Variants in TRNT1 observed in about 807,000 individuals in gnomAD.
The protein encoded by TRNT1 is CCA tRNA nucleotidyltransferase 1, mitochondrial.
In TRNT1, 44 loss-of-function variants were observed where a neutral mutation model predicts 45.6. The ratio of observed to expected loss-of-function variants is 0.97; its 90% CI spans 0.76 to 1.24. The LOEUF is 1.24. Among genes scored for constraint, TRNT1 ranks in the 50% most tolerant of loss-of-function variants. The probability of loss-of-function intolerance (pLI) is 0.00; values close to 1 mark genes in which losing one functional copy is unlikely to be tolerated. For synonymous variants in TRNT1, 201 were observed against 171.4 expected, an observed-to-expected ratio of 1.17 and a Z score of -1.35; for missense variants, 633 against 504.4, an observed-to-expected ratio of 1.25 and a Z score of -2.44.
At chr3:3,152,670 C>A, downstream of TRNT1, 1 of 1,516,744 alleles carries the variant, frequency 6.6e-7, no homozygotes, top group Non-Finnish European at 9.1e-7. Flanking sequence ...TTGAAGTTCA[C>A]CAAGAAATGA....
chr3:3,143,688 G>A (rs1295955914), intron 4 of TRNT1, among the ~76,000 whole-genome samples: 1 of 115,216 alleles, frequency 8.7e-6, no homozygotes, highest in African/African-American at 2.7e-5. Flanking sequence ...GACCAGCCTG[G>A]CCCACTTGCC....
At chr3:3,152,147 T>C (rs1706602248), downstream of TRNT1, among the ~76,000 whole-genome samples, 1 of 85,456 alleles carries the variant, frequency 1.2e-5, no homozygotes, top group South Asian at 3.5e-4. Flanking sequence ...GACATTTAAA[T>C]AAATTTTTTT....
chr3:3,127,795 A>T (rs1354358705), intron 1 of TRNT1: 1 of 152,242 alleles, frequency 6.6e-6, no homozygotes, highest in East Asian at 1.9e-4. Context: ...TGCTCTGGGG[A>T]GAGTGTCATC....
At position 3,147,709 on chromosome 3, in the gene TRNT1, T is replaced by G; in HGVS notation, c.1056+6T>G. 1 of 1,604,132 alleles carries G rather than the reference T, an allele frequency of 6.2e-7. No homozygotes were observed. The highest frequency in any genetic ancestry group is 8.5e-7 in the Non-Finnish European group (1 of 1,175,482). On this transcript the variant is annotated splice_donor_region_variant and intron_variant, in intron 7 of 7. Coordinates refer to ENST00000251607, the MANE Select transcript of TRNT1 (RefSeq NM_182916.3). ...ATCAAGACTTCATTATAGATGTAAG[T>G]ATATACTAGGCTTGGTCAGAAATAT... is the stretch of plus-strand genomic sequence containing the variant.
Position 3,144,583 on chromosome 3 carries a change from G to C in TRNT1, c.482-1G>C. On this transcript the variant is annotated splice_acceptor_variant, in intron 4 of 7. Coordinates refer to ENST00000251607, the MANE Select transcript of TRNT1 (RefSeq NM_182916.3). LOFTEE classifies it high-confidence loss of function. ...TTTCTCCCTCCTTTTCTAATGAATA[G>C]GTTTTGATGGCACTTTATTTGACTA... The C allele has an allele frequency of 6.3e-7, 1 of 1,575,122 alleles. No homozygotes were observed.
At chr3:3,134,453 C>T (rs973668195) in intron 2 of TRNT1, among the ~76,000 whole-genome samples, 4 of 152,090 alleles carry the variant, frequency 2.6e-5, no homozygotes, top group Non-Finnish European at 4.4e-5. Context: ...GAATATATTA[C>T]TTTGAGTTCT....
intron 2 of TRNT1, among the ~76,000 whole-genome samples, chr3:3,131,087 A>G (rs991991829): frequency 6.6e-6 from 1 of 152,106 alleles, no homozygotes; most frequent in African/African-American, 2.4e-5. Context: ...TAAAAAAAAA[A>G]AAAAATTAAT....
intron 2 of TRNT1, chr3:3,129,869 A>T (rs1268966951): frequency 6.4e-7 from 1 of 1,550,542 alleles, no homozygotes; most frequent in Non-Finnish European, 8.7e-7. Context: ...ACTTACGCAG[A>T]TTGATTTCAG....
intron 2 of TRNT1, chr3:3,129,904 C>A (rs900504602): frequency 6.4e-7 from 1 of 1,550,642 alleles, no homozygotes; most frequent in Non-Finnish European, 8.7e-7. Context: ...CCGCTAAGCT[C>A]TGTTTCCTTC....
At chr3:3,137,058 C>T (rs757709202) in intron 2 of TRNT1, among the ~76,000 whole-genome samples, 1 of 152,122 alleles carries the variant, frequency 6.6e-6, no homozygotes, top group African/African-American at 2.4e-5. Flanking sequence ...TTCTCTGTTT[C>T]CTGTTGGTCC....
chr3:3,135,310 G>T (rs959030340), intron 2 of TRNT1, among the ~76,000 whole-genome samples: 1 of 152,260 alleles, frequency 6.6e-6, no homozygotes, highest in Middle Eastern at 3.4e-3. Flanking sequence ...AGTTTAGCAA[G>T]AGATGAGACA....
Position 3,147,065 on chromosome 3 carries a change from G to C in TRNT1, c.803-385G>C, listed in dbSNP as rs10428252. Among the ~76,000 whole-genome samples the C allele has an allele frequency of 3.0e-3, 463 of 152,258 alleles. 1 individual carries two copies. The highest frequency in any genetic ancestry group is 0.01 in the African/African-American group (431 of 41,568). ...TCACAGAGAATAGTGGGATTATATG[G>C]TTTATCACACTTCGGTAAGCTTGGG... On this transcript the variant is annotated intron_variant, in intron 6 of 7. Transcript: ENST00000251607.
intron 3 of TRNT1, among the ~76,000 whole-genome samples, 153 bp from the exon 4 acceptor site, chr3:3,140,357 A>C (rs530251031): frequency 1.3e-4 from 20 of 152,200 alleles, no homozygotes; most frequent in African/African-American, 1.7e-4. Flanking sequence ...TTTCTGTTTC[A>C]ATGTTTAGGT....
chr3:3,129,573 C>T (rs1030702469), intron 2 of TRNT1: 4 of 444,944 alleles, frequency 9.0e-6, no homozygotes, highest in East Asian at 9.4e-5. Context: ...CAGAGTGAGA[C>T]CCTGTCTCAA....
chr3:3,140,689 A>T lies in TRNT1; in HGVS notation c.481+41A>T, dbSNP rs756517293. 4.4e-6 allele frequency: 7 copies of T among 1,592,320 alleles called. No individual in the cohort carries two copies. In the Admixed American group the frequency reaches 1.3e-4, roughly 29 times the overall value. The stretch of plus-strand genomic sequence containing the variant: ...AAAACCATATTGTGAGTCTATCAGA[A>T]TGCCTTCTTTTCAAGTAAAACCTAC... On this transcript the variant is annotated intron_variant, in intron 4 of 7. Transcript: ENST00000251607.
intron 1 of TRNT1, among the ~76,000 whole-genome samples, chr3:3,128,444 A>G (rs926756388): frequency 3.3e-5 from 5 of 152,004 alleles, no homozygotes; most frequent in Non-Finnish European, 7.4e-5. Context: ...CCAGAAGTAT[A>G]AAAAATTAGC....
At chr3:3,151,336 G>GACCACATTCTAACTTGTACTGGC (rs373055891), downstream of TRNT1, among the ~76,000 whole-genome samples, 12 of 152,138 alleles carry the variant, frequency 7.9e-5, no homozygotes, top group East Asian at 1.9e-4. Flanking sequence ...TGGTTGCCAA[G>GACCACATTCTAACTTGTACTGGC]ACCACATTCT....
chr3:3,149,136 T>C (rs941107020), downstream of TRNT1: 3 of 152,186 alleles, frequency 2.0e-5, no homozygotes, highest in Admixed American at 2.0e-4. Context: ...ATAGTAATTT[T>C]GGACCTTGAT....
downstream of TRNT1, chr3:3,152,583 A>G (rs758795065): frequency 6.2e-7 from 1 of 1,614,094 alleles, no homozygotes; most frequent in Admixed American, 1.7e-5. Flanking sequence ...CCACATAAGG[A>G]TAAACTAAAA....
Sources: allele counts gnomAD v4.1 joint callset (sites outside exome capture counted in the v4.1 genomes callset), GRCh38; gene constraint gnomAD v4.1.1; transcripts MANE v1.5; gene names NCBI Gene and HGNC (gene_info 2026-07-23, HGNC 2026-07-21).